The following BEND2 variants were observed in gnomAD, a reference collection of about 807,000 sequenced individuals.
The protein encoded by BEND2 is BEN domain containing 2, also known as BEN domain-containing protein 2.
BEND2 carries 19 observed loss-of-function variants against 43.8 expected under a neutral mutation model. That is an observed-to-expected ratio of 0.43 (90% CI 0.30 to 0.64). BEND2 has a LOEUF of 0.64. BEND2 is among the 30% of genes least tolerant of loss of function. BEND2 has a pLI of 0.11. For missense variants in BEND2, 544 were observed against 574.0 expected (o/e 0.95, Z 0.53); for synonymous variants, 226 against 210.1 (o/e 1.08, Z -0.66).
At chrX:18,192,667 T>C (rs1924809233) in intron 7 of BEND2, among the ~76,000 whole-genome samples, 1 of 112,609 alleles carries the variant, frequency 8.9e-6, no homozygotes, top group African/African-American at 3.2e-5. Flanking sequence ...GCAACTTTAC[T>C]TGTAATAGTC....
intron 4 of BEND2, among the ~76,000 whole-genome samples, chrX:18,211,784 GA>G (rs766206442): frequency 4.1e-3 from 378 of 92,035 alleles, no homozygotes; most frequent in Middle Eastern, 0.011. Flanking sequence ...CTCCATCTCA[GA>G]AAAAAAAAAA....
At chrX:18,207,663 GA>G (rs1269263128) in intron 4 of BEND2, among the ~76,000 whole-genome samples, 1 of 111,753 alleles carries the variant, frequency 8.9e-6, no homozygotes, top group African/African-American at 3.3e-5. Flanking sequence ...GAAATTTTTT[GA>G]AAAATGTATC....
At chrX:18,214,675 T>C (rs1925616569) in intron 2 of BEND2, among the ~76,000 whole-genome samples, 1 of 106,316 alleles carries the variant, frequency 9.4e-6, no homozygotes, top group South Asian at 4.3e-4. Context: ...AATACAAAAA[T>C]TAGCCAGGCG....
At chrX:18,180,769 T>A (rs1924353977) in intron 8 of BEND2, 119 bp from the exon 9 acceptor site, 1 of 501,824 alleles carries the variant, frequency 2.0e-6, no homozygotes, top group Non-Finnish European at 3.2e-6. Flanking sequence ...CCAGCAGACC[T>A]ACTCTTTTTT....
intron 8 of BEND2, among the ~76,000 whole-genome samples, chrX:18,190,766 T>TCTCTCACA (rs1439593746): frequency 9.8e-4 from 91 of 93,013 alleles, no homozygotes; most frequent in South Asian, 3.9e-3. Context: ...TCTCTCTCTC[T>TCTCTCACA]CACACACACA....
intron 7 of BEND2, among the ~76,000 whole-genome samples, chrX:18,192,370 AG>A (rs1685872603): frequency 8.9e-6 from 1 of 112,112 alleles, no homozygotes; most frequent in Non-Finnish European, 1.9e-5. Context: ...GAACGGCTAA[AG>A]GAAAATCATC....
At chrX:18,189,199 C>CAAAA (rs34280162) in intron 8 of BEND2, among the ~76,000 whole-genome samples, 7 of 72,776 alleles carry the variant, frequency 9.6e-5, no homozygotes, top group African/African-American at 3.1e-4. Flanking sequence ...GAATCCATCT[C>CAAAA]AAAAAAAAAA....
chrX:18,215,510 C>G (rs4825355), intron 2 of BEND2, among the ~76,000 whole-genome samples: 3 of 111,804 alleles, frequency 2.7e-5, no homozygotes, highest in Non-Finnish European at 5.6e-5. Flanking sequence ...AGCTCATAAG[C>G]TAAGATATTA....
intron 10 of BEND2, 138 bp from the exon 11 acceptor site, chrX:18,176,231 A>G: frequency 6.5e-6 from 3 of 462,936 alleles, no homozygotes; most frequent in South Asian, 6.0e-5. Flanking sequence ...TTCTCTTTCT[A>G]CTTCTCATCC....
chrX:18,181,667 A>G (rs1461387763), intron 8 of BEND2, among the ~76,000 whole-genome samples: 1 of 111,909 alleles, frequency 8.9e-6, no homozygotes, highest in African/African-American at 3.2e-5. Flanking sequence ...TTCATTCCAA[A>G]TGGTAAAATG....
In BEND2 at chrX:18,201,416, AAC is replaced by A. The variant is rs1356205309; in HGVS notation, c.1033+397_1033+398del. Reference sequence around the variant, plus strand: ...CATCTCAAAAAAAAAAAAAAAAAAAAACAAAAAAAAAAAAACTGGTGGATCAA... The same window carrying A: ...CATCTCAAAAAAAAAAAAAAAAAAAAAAAAAAAAAAAAACTGGTGGATCAA... On this transcript the variant is annotated intron_variant, in intron 6 of 13. Transcript: ENST00000380033. 1.6e-3 allele frequency among the ~76,000 whole-genome samples: 151 copies of A among 94,631 alleles called. 5 individuals carry two copies. The highest frequency in any genetic ancestry group is 6.4e-3 in the African/African-American group (138 of 21,406). 82.2% of individuals were successfully genotyped at this position (94,631 alleles called of 115,157 possible). A position where few individuals can be genotyped will look rare whatever the true frequency, so the allele number is the denominator to read the frequency against.
intron 13 of BEND2, among the ~76,000 whole-genome samples, chrX:18,170,761 A>G (rs1923947075): frequency 8.9e-6 from 1 of 112,245 alleles, no homozygotes; most frequent in South Asian, 3.7e-4. Flanking sequence ...GCCACAGTCA[A>G]TAACCCCTTT....
intron 13 of BEND2, 129 bp downstream of exon 13, chrX:18,170,872 G>A: frequency 1.8e-6 from 2 of 1,090,265 alleles, no homozygotes; most frequent in Non-Finnish European, 2.5e-6. Flanking sequence ...GTACTCTAAT[G>A]AGGCACTCAG....
chrX:18,171,257 T>C, intron 12 of BEND2, 53 bp from the exon 13 acceptor site: 1 of 1,113,135 alleles, frequency 9.0e-7, no homozygotes, highest in Non-Finnish European at 1.2e-6. Flanking sequence ...TAGATTGCAT[T>C]ATTTTTTAAA....
intron 13 of BEND2, among the ~76,000 whole-genome samples, chrX:18,167,431 T>C (rs1923852940): frequency 1.8e-5 from 2 of 112,410 alleles, no homozygotes; most frequent in African/African-American, 6.5e-5. Flanking sequence ...ATATTTATAT[T>C]TTTCCTACAT....
At chrX:18,186,539 G>A (rs1259658288) in intron 8 of BEND2, among the ~76,000 whole-genome samples, 1 of 110,256 alleles carries the variant, frequency 9.1e-6, no homozygotes, top group African/African-American at 3.3e-5. Flanking sequence ...AAGTTAAAGT[G>A]TAGAGTTTTC....
At chrX:18,186,883 C>T (rs976991206) in intron 8 of BEND2, among the ~76,000 whole-genome samples, 5 of 107,915 alleles carry the variant, frequency 4.6e-5, no homozygotes, top group South Asian at 4.2e-4. Context: ...GGGAAGATCG[C>T]TTGAGCCTGG....
At chrX:18,179,241 C>T (rs1389004451) in intron 9 of BEND2, among the ~76,000 whole-genome samples, 4 of 98,115 alleles carry the variant, frequency 4.1e-5, no homozygotes, top group Non-Finnish European at 8.1e-5. Flanking sequence ...TCACTATAGC[C>T]TCAAACTTCC....
intron 6 of BEND2, among the ~76,000 whole-genome samples, chrX:18,196,952 C>T (rs1038802302): frequency 1.8e-5 from 2 of 111,502 alleles, no homozygotes; most frequent in African/African-American, 6.5e-5. Context: ...AATACAGATA[C>T]ACCCACAGAT....
Sources: gnomAD v4.1 joint callset for allele counts (sites outside exome capture counted in the v4.1 genomes callset) on GRCh38, gnomAD v4.1.1 for gene constraint, MANE v1.5 for transcripts, NCBI Gene and HGNC (gene_info 2026-07-23, HGNC 2026-07-21) for gene names.